Variants in ANO3 observed in about 807,000 individuals in gnomAD.
The protein encoded by ANO3 is anoctamin 3, also known as anoctamin-3.
In ANO3, 99 loss-of-function variants were observed where a neutral mutation model predicts 144.8. The observed-to-expected ratio is 0.68, with a 90% CI of 0.58 to 0.81. The LOEUF (loss-of-function observed/expected upper bound fraction) is 0.81. ANO3 is among the 30% of genes least tolerant of loss of function. The pLI is 0.00. For missense variants in ANO3, 905 were observed against 1,202.2 expected (o/e 0.75, Z 3.66); for synonymous variants, 414 against 392.6 (o/e 1.05, Z -0.64).
intron 24 of ANO3, among the ~76,000 whole-genome samples, chr11:26,651,166 A>G (rs1268710072): frequency 6.6e-6 from 1 of 152,208 alleles, no homozygotes. Flanking sequence ...TCCAGGAACT[A>G]ATTTTCCAAA....
chr11:26,534,346 T>G (rs772433428), intron 8 of ANO3, 110 bp from the exon 9 acceptor site: 1 of 605,402 alleles, frequency 1.7e-6, no homozygotes, highest in Non-Finnish European at 2.9e-6. Context: ...GAGGATGATT[T>G]CCCTTCTGAT....
At chr11:26,634,651 G>A (rs1254237572) in intron 19 of ANO3, among the ~76,000 whole-genome samples, 1 of 152,094 alleles carries the variant, frequency 6.6e-6, no homozygotes, top group Admixed American at 6.6e-5. Flanking sequence ...TTTGCCATAT[G>A]CTTAACACTC....
chr11:26,248,277 G>A (rs1852845256), intron 1 of ANO3, among the ~76,000 whole-genome samples: 2 of 152,034 alleles, frequency 1.3e-5, no homozygotes, highest in African/African-American at 2.4e-5. Flanking sequence ...GGCGGAGGTC[G>A]TGGTGAGCCC....
chr11:26,537,004 A>T (rs61876962), intron 9 of ANO3, among the ~76,000 whole-genome samples: 92,933 of 138,852 alleles, frequency 0.67, 29,561 homozygotes, highest in East Asian at 0.82. Context: ...AATATCCTTT[A>T]AATTTTTTTT....
chr11:26,189,316 G>A lies in ANO3; in HGVS notation c.140G>A (p.Ser47Asn), dbSNP rs981253343. 5 of 985,226 alleles carry A rather than the reference G, an allele frequency of 5.1e-6. No individual in the cohort carries two copies. The African/African-American group carries it at 5.2e-5, about 10-fold the overall frequency. 61.0% of individuals were successfully genotyped at this position (985,226 alleles called of 1,614,324 possible). ...AGTCAACTGGAACTTCAGCACTCCA[G>A]TTCTGTCCCGACTGGTAAGCTAACC... Residue 47 changes from serine to asparagine, a missense_variant, in exon 1 of 28, where the codon AGT becomes AAT. Physicochemically the swap from Ser to Asn is conservative, Grantham distance 46. Coordinates refer to the ANO3 transcript ENST00000672621.
intron 1 of ANO3, among the ~76,000 whole-genome samples, chr11:26,414,758 TA>T (rs971800105): frequency 2.4e-4 from 34 of 139,998 alleles, no homozygotes; most frequent in African/African-American, 8.2e-4. Flanking sequence ...ACAGTAAAGT[TA>T]AAAAAAAAAA....
intron 1 of ANO3, among the ~76,000 whole-genome samples, chr11:26,217,604 G>T (rs955793365): frequency 6.6e-6 from 1 of 151,892 alleles, no homozygotes. Context: ...TAATAATAAT[G>T]CATATACATA....
At chr11:26,356,215 C>T (rs1349424944) in intron 1 of ANO3, among the ~76,000 whole-genome samples, 1 of 151,938 alleles carries the variant, frequency 6.6e-6, no homozygotes, top group East Asian at 1.9e-4. Flanking sequence ...TATACAACCT[C>T]CTAGATACAT....
At chr11:26,461,119 A>T (rs1859378968) in intron 3 of ANO3, among the ~76,000 whole-genome samples, 1 of 152,074 alleles carries the variant, frequency 6.6e-6, no homozygotes, top group African/African-American at 2.4e-5. Context: ...AGAGCAAGCG[A>T]GCGAGCGCGA....
chr11:26,503,142 C>A (rs1261282120), intron 4 of ANO3, among the ~76,000 whole-genome samples: 1 of 152,032 alleles, frequency 6.6e-6, no homozygotes, highest in Non-Finnish European at 1.5e-5. Flanking sequence ...TAGGTAGATA[C>A]CTGATGAATG....
chr11:26,371,556 T>C (rs1856258269), intron 1 of ANO3, among the ~76,000 whole-genome samples: 1 of 152,098 alleles, frequency 6.6e-6, no homozygotes, highest in Non-Finnish European at 1.5e-5. Context: ...ACCATGCACC[T>C]GGAAGAGCCG....
At chr11:26,659,065 C>T (rs536572484) in intron 26 of ANO3, among the ~76,000 whole-genome samples, 1 of 145,276 alleles carries the variant, frequency 6.9e-6, no homozygotes, top group African/African-American at 2.5e-5. Context: ...CTATGACAAG[C>T]AATCCTTGAG....
At chr11:26,599,098 C>T in intron 16 of ANO3, 100 bp downstream of exon 16, 1 of 1,263,640 alleles carries the variant, frequency 7.9e-7, no homozygotes, top group South Asian at 1.3e-5. Context: ...ATGTCAGAAA[C>T]CTTATTCTTT....
chr11:26,526,968 C>T (rs138003496), intron 7 of ANO3, among the ~76,000 whole-genome samples: 1 of 152,022 alleles, frequency 6.6e-6, no homozygotes, highest in African/African-American at 2.4e-5. Context: ...TCTGCATATG[C>T]CTGCTTATTG....
At chr11:26,550,214 TTAATTAA>T (rs200578817) in intron 12 of ANO3, among the ~76,000 whole-genome samples, 4,104 of 136,552 alleles carry the variant, frequency 0.03, 92 homozygotes, top group Non-Finnish European at 0.045. Flanking sequence ...ATTAACACAA[TTAATTAA>T]TGTTTTATTA....
At chr11:26,365,886 T>C (rs1359419542) in intron 1 of ANO3, among the ~76,000 whole-genome samples, 1 of 151,676 alleles carries the variant, frequency 6.6e-6, no homozygotes, top group African/African-American at 2.4e-5. Context: ...TTTTTAATTA[T>C]ACAAATATCT....
intron 1 of ANO3, among the ~76,000 whole-genome samples, chr11:26,293,161 A>AT (rs1429931955): frequency 6.6e-6 from 1 of 152,134 alleles, no homozygotes; most frequent in African/African-American, 2.4e-5. Flanking sequence ...GAAAAGGTAA[A>AT]TTTTTCTTCT....
chr11:26,493,066 T>G (rs977011037), intron 4 of ANO3, among the ~76,000 whole-genome samples: 7 of 152,200 alleles, frequency 4.6e-5, no homozygotes, highest in Non-Finnish European at 8.8e-5. Context: ...AGGACGTCAC[T>G]TTAATATTCA....
intron 24 of ANO3, among the ~76,000 whole-genome samples, chr11:26,652,926 G>C (rs1853576463): frequency 6.6e-6 from 1 of 152,136 alleles, no homozygotes; most frequent in Non-Finnish European, 1.5e-5. Flanking sequence ...CCTTCTTAAT[G>C]TACTTTATTC....
Sources: gnomAD v4.1 joint callset for allele counts (sites outside exome capture counted in the v4.1 genomes callset) on GRCh38, gnomAD v4.1.1 for gene constraint, MANE v1.5 for transcripts, NCBI Gene and HGNC (gene_info 2026-07-23, HGNC 2026-07-21) for gene names.